The following ATP1B2 variants were observed in gnomAD, a reference collection of about 807,000 sequenced individuals.
ATP1B2 encodes the protein ATPase Na+/K+ transporting subunit beta 2.
ATP1B2 carries 12 observed loss-of-function variants against 37.3 expected under a neutral mutation model. The observed-to-expected ratio is 0.32, with a 90% CI of 0.21 to 0.52. The LOEUF (loss-of-function observed/expected upper bound fraction) is 0.52, where lower values mean the gene tolerates loss of function less well. ATP1B2 is among the 20% of genes least tolerant of loss of function. ATP1B2 has a pLI of 0.96. For synonymous variants in ATP1B2, 139 were observed against 140.5 expected (o/e 0.99, Z 0.07); for missense variants, 324 against 391.6 (o/e 0.83, Z 1.46).
Position 7,651,477 on chromosome 17 carries a change from C to G in ATP1B2, c.-42C>G, listed in dbSNP as rs919498947. The G allele has an allele frequency of 6.5e-7, 1 of 1,531,326 alleles. No homozygotes were observed. The highest frequency in any genetic ancestry group is 8.8e-7 in the Non-Finnish European group (1 of 1,130,016). 94.9% of individuals were successfully genotyped at this position (1,531,326 alleles called of 1,614,324 possible). A position where few individuals can be genotyped will look rare whatever the true frequency, so the allele number is the denominator to read the frequency against. On this transcript the variant is annotated 5_prime_UTR_variant, in exon 1 of 7. Coordinates refer to ENST00000250111, the MANE Select transcript of ATP1B2 (RefSeq NM_001678.5). ...AGCGCGCGGCGCCCCCGCTTCTCCG[C>G]AACCCCCCGCCCCGCGCCCGGACTC...
At chr17:7,650,082 C>T (rs958451594), upstream of ATP1B2, among the ~76,000 whole-genome samples, 3 of 152,170 alleles carry the variant, frequency 2.0e-5, no homozygotes, top group East Asian at 5.8e-4. Context: ...TTCAGTGTAA[C>T]CTCTCTGGCC....
chr17:7,648,524 G>A (rs72829444), upstream of ATP1B2, among the ~76,000 whole-genome samples: 25,198 of 136,960 alleles, frequency 0.18, 2,519 homozygotes, highest in Middle Eastern at 0.29. Context: ...CAGATATCAT[G>A]CCACTGCACT....
chr17:7,649,325 C>T (rs541432085), upstream of ATP1B2, among the ~76,000 whole-genome samples: 2 of 152,208 alleles, frequency 1.3e-5, no homozygotes, highest in East Asian at 1.9e-4. Context: ...CCATTGGCCT[C>T]GGCCTCCTAT....
rs2150978919 is a variant in ATP1B2, at chr17:7,656,061, A to G, written c.*166A>G. ...GACTTCTCAACCCAGCCTGAAGTCC[A>G]TTGCGGTTCCGTCACTCGCCTTTCC... On this transcript the variant is annotated 3_prime_UTR_variant, in exon 7 of 7. Transcript: ENST00000250111. 2.1e-6 allele frequency: 2 copies of G among 940,358 alleles called. No individual in the cohort carries two copies. The highest frequency in any genetic ancestry group is 3.4e-4 in the Middle Eastern group (1 of 2,912). The allele number at this position is 940,358 out of a possible 1,614,324, so 58.3% of individuals were successfully genotyped here. A position where few individuals can be genotyped will look rare whatever the true frequency, so the allele number is the denominator to read the frequency against.
chr17:7,651,677 C>A lies in ATP1B2; in HGVS notation c.112+47C>A, dbSNP rs112540595. 3.6e-3 allele frequency: 5,409 copies of A among 1,511,488 alleles called. 179 individuals carry two copies. The African/African-American group carries it at 0.067, about 19-fold the overall frequency. The allele number at this position is 1,511,488 out of a possible 1,614,324, so 93.6% of individuals were successfully genotyped here. ...GGGGCGGGGGAAAGCCGCGGGGCGA[C>A]GCCTCGGGGGCGCAGGGTCCCGCCG... On this transcript the variant is annotated intron_variant, in intron 1 of 6. Transcript: ENST00000250111.
At chr17:7,652,504 T>C (rs1771537259) in intron 1 of ATP1B2, among the ~76,000 whole-genome samples, 1 of 152,118 alleles carries the variant, frequency 6.6e-6, no homozygotes, top group African/African-American at 2.4e-5. Context: ...TCCCCATCAG[T>C]CCACCCATTC....
chr17:7,656,018 C>G lies in ATP1B2; in HGVS notation c.*123C>G. On this transcript the variant is annotated 3_prime_UTR_variant, in exon 7 of 7. Transcript: ENST00000250111. ...ATAACAGAGCTATGACTTGTCTGAG[C>G]CTCACATCCTTTTCCTTGACTTCTC... 7.6e-7 allele frequency: 1 copy of G among 1,310,656 alleles called. No individual in the cohort carries two copies. Among genetic ancestry groups the G allele is most frequent in the Non-Finnish European group, 1.0e-6 (1 of 961,120 alleles). The allele number at this position is 1,310,656 out of a possible 1,614,324, so 81.2% of individuals were successfully genotyped here.
intron 1 of ATP1B2, 120 bp from the exon 2 acceptor site, chr17:7,653,254 C>T: frequency 6.9e-7 from 1 of 1,446,088 alleles, no homozygotes; most frequent in Admixed American, 1.9e-5. Flanking sequence ...TCTAAGACAT[C>T]CCTGTGGCTC....
chr17:7,655,651 G>A lies in ATP1B2; in HGVS notation c.708+26G>A, dbSNP rs954193078. 1 of 1,614,096 alleles carries A rather than the reference G, an allele frequency of 6.2e-7. No individual in the cohort carries two copies. Among genetic ancestry groups the A allele is most frequent in the Non-Finnish European group, 8.5e-7 (1 of 1,179,984 alleles). On this transcript the variant is annotated intron_variant, in intron 6 of 6. Transcript: ENST00000250111. The surrounding 1 kb of genome is among the most constrained non-coding windows in gnomAD (Gnocchi z 4.4). ...GTAAGTCCCAGGGGAGGCCCAGGCT[G>A]ATGGCGGGTGCGGGTGGTGAGCTAG...
rs778686577 is a variant in ATP1B2 at position 7,651,507 on chromosome 17, C to A, written c.-12C>A. 2 of 1,576,216 alleles carry A rather than the reference C, an allele frequency of 1.3e-6. No homozygotes were observed. The highest frequency in any genetic ancestry group is 1.2e-5 in the South Asian group (1 of 86,208). On this transcript the variant is annotated 5_prime_UTR_variant, in exon 1 of 7. Transcript: ENST00000250111. ...CCCCGCCCCGCGCCCGGACTCGCCC[C>A]GCGCCACCAAGATGGTCATCCAGAA...
chr17:7,649,143 TC>T (rs1241906795), upstream of ATP1B2, among the ~76,000 whole-genome samples: 1 of 151,860 alleles, frequency 6.6e-6, no homozygotes, highest in African/African-American at 2.4e-5. Flanking sequence ...ACCTCCACCT[TC>T]CAGGTTCAAG....
chr17:7,650,917 G>C (rs913743950), upstream of ATP1B2, among the ~76,000 whole-genome samples: 21 of 152,250 alleles, frequency 1.4e-4, no homozygotes, highest in Non-Finnish European at 2.8e-4. Flanking sequence ...CTCGGCGACC[G>C]CGGGCCTCGC....
chr17:7,653,514 G>C lies in ATP1B2; in HGVS notation c.241+12G>C. 6.2e-7 allele frequency: 1 copy of C among 1,613,788 alleles called. No homozygotes were observed. Among genetic ancestry groups the C allele is most frequent in the Non-Finnish European group, 8.5e-7 (1 of 1,179,866 alleles). ...ACTGGCCACACCGGGTGAGTGTGGA[G>C]GCTCCCCCTGCCAGCTACTCTAACT... On this transcript the variant is annotated intron_variant, in intron 2 of 6. Transcript: ENST00000250111.
chr17:7,653,258 G>C, intron 1 of ATP1B2, 116 bp from the exon 2 acceptor site: 1 of 1,464,030 alleles, frequency 6.8e-7, no homozygotes, highest in South Asian at 1.3e-5. Flanking sequence ...AGACATCCCT[G>C]TGGCTCTGTG....
upstream of ATP1B2, among the ~76,000 whole-genome samples, chr17:7,650,919 G>C (rs748897145): frequency 2.0e-5 from 3 of 152,104 alleles, no homozygotes; most frequent in Admixed American, 1.3e-4. Flanking sequence ...CGGCGACCGC[G>C]GGCCTCGCAC....
rs2072648562 is a variant in ATP1B2, at chr17:7,655,918, T to C, written c.*23T>C. The C allele has an allele frequency of 6.2e-7, 1 of 1,612,492 alleles. No individual in the cohort carries two copies. The highest frequency in any genetic ancestry group is 1.3e-5 in the African/African-American group (1 of 74,832). ...TGAGGCCCCTTCCTCCCACCCCATC[T>C]CTCTCCTGTGGATGCTCCTGGAATG... is the stretch of plus-strand genomic sequence containing the variant. On this transcript the variant is annotated 3_prime_UTR_variant, in exon 7 of 7. Coordinates refer to ENST00000250111, the MANE Select transcript of ATP1B2 (RefSeq NM_001678.5). This position sits in a 1 kb window ranked among gnomAD's most constrained non-coding sequence, Gnocchi z 4.4.
chr17:7,653,421 A>T lies in ATP1B2; in HGVS notation c.160A>T (p.Met54Leu), dbSNP rs746012048. The T allele has an allele frequency of 6.2e-7, 1 of 1,613,914 alleles. No homozygotes were observed. The highest frequency in any genetic ancestry group is 1.3e-5 in the African/African-American group (1 of 74,910). The change falls in exon 2 of 7, where the codon ATG becomes TTG. Residue 54 changes from methionine to leucine, a missense_variant. Physicochemically the swap from Met to Leu is conservative, Grantham distance 15. Coordinates refer to ENST00000250111, the MANE Select transcript of ATP1B2 (RefSeq NM_001678.5). The stretch of plus-strand genomic sequence containing the variant: ...CGTTTTTTATGGGTTCCTCACCGCC[A>T]TGTTCACCCTCACCATGTGGGTGAT... The part of the protein sequence containing the change: ...YLVFYGFLTA[M>L]FTLTMWVMLQ...
At position 7,654,173 on chromosome 17, in the gene ATP1B2, G is replaced by C. The variant is rs747456774; in HGVS notation, c.468G>C (p.Gln156His). The C allele has an allele frequency of 1.2e-6, 2 of 1,614,194 alleles. No individual in the cohort carries two copies. Among genetic ancestry groups the C allele is most frequent in the East Asian group, 4.5e-5 (2 of 44,888 alleles). ...PKRACQFNRT[Q>H]LGNCSGIGDS... ...GTGCCTGCCAATTCAACCGGACCCA[G>C]CTGGGCAACTGCTCCGGCATTGGGG... is the stretch of plus-strand genomic sequence containing the variant. The change falls in exon 4 of 7, where the codon CAG (glutamine) becomes CAC (histidine). Residue 156 changes from glutamine (Q) to histidine (H), a missense_variant. By Grantham distance (24) the Gln-to-His change is conservative. Transcript: ENST00000250111. The surrounding 1 kb of genome is among the most constrained non-coding windows in gnomAD (Gnocchi z 4.9).
intron 1 of ATP1B2, among the ~76,000 whole-genome samples, chr17:7,651,856 C>A (rs763125494): frequency 2.0e-5 from 3 of 151,350 alleles, no homozygotes; most frequent in Admixed American, 1.3e-4. Flanking sequence ...CCCCGCGGAG[C>A]CCCCTCGGGC....
Sources: allele counts gnomAD v4.1 joint callset (sites outside exome capture counted in the v4.1 genomes callset), GRCh38; gene constraint gnomAD v4.1.1; non-coding constraint Gnocchi (gnomAD v3.1); transcripts MANE v1.5; gene names NCBI Gene and HGNC (gene_info 2026-07-23, HGNC 2026-07-21).